The following RFX7 variants were observed in gnomAD, a reference collection of about 807,000 sequenced individuals.
RFX7 encodes regulatory factor X7.
In RFX7, 26 loss-of-function variants were observed where a neutral mutation model predicts 111.8. That is an observed-to-expected ratio of 0.23 (90% CI 0.17 to 0.32). The LOEUF (loss-of-function observed/expected upper bound fraction) is 0.32, where lower values mean the gene tolerates loss of function less well. Among genes scored for constraint, RFX7 ranks in the 10% least tolerant of loss-of-function variants. RFX7 has a pLI of 1.00. For missense variants in RFX7, 1,573 were observed against 1,772.9 expected (o/e 0.89, Z 2.02); for synonymous variants, 624 against 624.4 (o/e 1.00, Z 0.01).
chr15:56,093,772 T>C lies in RFX7; in HGVS notation c.3956A>G (p.Lys1319Arg). 6.2e-7 allele frequency: 1 copy of C among 1,613,878 alleles called. No homozygotes were observed. The change falls in exon 10 of 10, where the codon AAA becomes AGA. Residue 1319 changes from lysine to arginine, a missense_variant. Lys to Arg is a conservative substitution (Grantham distance 26). Coordinates refer to ENST00000559447, the MANE Select transcript of RFX7 (RefSeq NM_022841.7). Reference sequence around the variant, plus strand: ...ATTGATCTGACCGGTGCTATTACTTTTGGTGAGGTAAGATGGTGTTTGGAA... The same window carrying C: ...ATTGATCTGACCGGTGCTATTACTTCTGGTGAGGTAAGATGGTGTTTGGAA... Reference protein sequence around the residue: ...YEFQTPSYLTKSNSTGQINFS... With the variant: ...YEFQTPSYLTRSNSTGQINFS...
intron 3 of RFX7, among the ~76,000 whole-genome samples, chr15:56,175,660 T>A (rs182924430): frequency 2.3e-4 from 35 of 152,218 alleles, no homozygotes; most frequent in African/African-American, 7.9e-4. Flanking sequence ...CAACTGGATA[T>A]CCATCCATAT....
chr15:56,114,043 G>C (rs569723848), intron 5 of RFX7, among the ~76,000 whole-genome samples: 2 of 152,152 alleles, frequency 1.3e-5, no homozygotes, highest in East Asian at 3.8e-4. Flanking sequence ...TATTTTTAAG[G>C]AGTAAATAGA....
intron 5 of RFX7, among the ~76,000 whole-genome samples, chr15:56,108,429 A>C (rs2041860585): frequency 6.6e-6 from 1 of 152,228 alleles, no homozygotes; most frequent in Non-Finnish European, 1.5e-5. Context: ...CCATCACATA[A>C]ACAGAACCAA....
chr15:56,226,126 C>T (rs1319503179), intron 2 of RFX7, among the ~76,000 whole-genome samples: 1 of 152,068 alleles, frequency 6.6e-6, no homozygotes, highest in African/African-American at 2.4e-5. Context: ...TTTTCCACTA[C>T]AAACACTCTG....
At chr15:56,174,211 G>A (rs750239754) in intron 3 of RFX7, among the ~76,000 whole-genome samples, 1 of 152,082 alleles carries the variant, frequency 6.6e-6, no homozygotes, top group Non-Finnish European at 1.5e-5. Context: ...TCAAGAGGCG[G>A]AGGTTGCAGT....
At chr15:56,192,196 A>G (rs561823807) in intron 2 of RFX7, among the ~76,000 whole-genome samples, 41 of 152,256 alleles carry the variant, frequency 2.7e-4, no homozygotes, top group African/African-American at 9.1e-4. Context: ...CTAGCGTAAT[A>G]ATAACTTCGG....
At chr15:56,117,468 T>C (rs1482916221) in intron 5 of RFX7, among the ~76,000 whole-genome samples, 1 of 152,176 alleles carries the variant, frequency 6.6e-6, no homozygotes, top group Non-Finnish European at 1.5e-5. Flanking sequence ...ATATCTATCA[T>C]CTTAAACATC....
At chr15:56,134,723 C>T (rs1162930240) in intron 5 of RFX7, among the ~76,000 whole-genome samples, 1 of 151,026 alleles carries the variant, frequency 6.6e-6, no homozygotes, top group Non-Finnish European at 1.5e-5. Context: ...CACCCACTAA[C>T]TCGTCATCTA....
chr15:56,149,416 G>A (rs1249355537), intron 3 of RFX7, among the ~76,000 whole-genome samples: 1 of 152,166 alleles, frequency 6.6e-6, no homozygotes, highest in Non-Finnish European at 1.5e-5. Flanking sequence ...TAAAAATGTG[G>A]AAACAGACAG....
chr15:56,235,962 T>C (rs1303582993), intron 2 of RFX7, among the ~76,000 whole-genome samples: 1 of 152,114 alleles, frequency 6.6e-6, no homozygotes, highest in African/African-American at 2.4e-5. Context: ...ACATAACAGA[T>C]TGGAATCTGT....
intron 5 of RFX7, among the ~76,000 whole-genome samples, chr15:56,131,682 G>C (rs903390512): frequency 6.6e-6 from 1 of 152,088 alleles, no homozygotes; most frequent in Non-Finnish European, 1.5e-5. Flanking sequence ...TCATTAAAAA[G>C]AAAATAAAGT....
chr15:56,187,085 T>C (rs1340463801), intron 2 of RFX7, among the ~76,000 whole-genome samples: 1 of 152,130 alleles, frequency 6.6e-6, no homozygotes, highest in East Asian at 1.9e-4. Flanking sequence ...TAAAATAAAC[T>C]TGCTACACAT....
chr15:56,140,474 C>G (rs1461956362), intron 5 of RFX7, among the ~76,000 whole-genome samples: 1 of 152,220 alleles, frequency 6.6e-6, no homozygotes, highest in African/African-American at 2.4e-5. Flanking sequence ...CCTGCTTCGG[C>G]TGGCGCACGG....
chr15:56,218,788 A>C (rs2043394696), intron 2 of RFX7, among the ~76,000 whole-genome samples: 1 of 152,206 alleles, frequency 6.6e-6, no homozygotes. Context: ...TTACTTGCAA[A>C]ATGAGGTACA....
In RFX7 at chr15:56,243,295, G is replaced by A. The variant is rs1364461697; in HGVS notation, c.-2-8C>T. 2 of 1,187,688 alleles carry A rather than the reference G, an allele frequency of 1.7e-6. No homozygotes were observed. Among genetic ancestry groups the A allele is most frequent in the Non-Finnish European group, 2.2e-6 (2 of 925,610 alleles). 73.6% of individuals were successfully genotyped at this position (1,187,688 alleles called of 1,614,324 possible). The stretch of plus-strand genomic sequence containing the variant: ...GTTGTTCCTCTGCCATCGCTGCAGA[G>A]GGGTGGGAGGGAGGGAGGGAAAGAT... On this transcript the variant is annotated splice_region_variant and splice_polypyrimidine_tract_variant and intron_variant, in intron 1 of 9. Coordinates refer to ENST00000559447, the MANE Select transcript of RFX7 (RefSeq NM_022841.7).
At chr15:56,173,184 T>C (rs1254880895) in intron 3 of RFX7, among the ~76,000 whole-genome samples, 2 of 152,152 alleles carry the variant, frequency 1.3e-5, no homozygotes, top group East Asian at 1.9e-4. Context: ...CTATGTAGAT[T>C]TGGAATTTGG....
chr15:56,101,312 C>T (rs1011538421), intron 8 of RFX7, 47 bp downstream of exon 8: 1 of 1,454,352 alleles, frequency 6.9e-7, no homozygotes, highest in Non-Finnish European at 9.4e-7. Flanking sequence ...ATTCTAAATA[C>T]AATAATACCT....
rs534011303 is a variant in RFX7 at position 56,187,057 on chromosome 15, C to T, written c.162-7754G>A. Among the ~76,000 whole-genome samples, 11 of 152,112 alleles carry T rather than the reference C, an allele frequency of 7.2e-5. No homozygotes were observed. The East Asian group carries it at 1.5e-3, about 21-fold the overall frequency. ...TGCTTCAGTGTTCTGCTTCAGATAA[C>T]GACAAGTTAACATATATTAAAATAA... On this transcript the variant is annotated intron_variant, in intron 2 of 9. Coordinates refer to ENST00000559447, the MANE Select transcript of RFX7 (RefSeq NM_022841.7).
intron 7 of RFX7, 93 bp from the exon 8 acceptor site, chr15:56,101,659 C>T (rs765827847): frequency 9.6e-6 from 11 of 1,151,222 alleles, no homozygotes; most frequent in Non-Finnish European, 1.4e-5. Context: ...TTAGAAGATA[C>T]AATATAAATC....
Sources: gnomAD v4.1 joint callset for allele counts (sites outside exome capture counted in the v4.1 genomes callset) on GRCh38, gnomAD v4.1.1 for gene constraint, MANE v1.5 for transcripts, NCBI Gene and HGNC (gene_info 2026-07-23, HGNC 2026-07-21) for gene names.